The following SLC6A6 variants were observed in gnomAD, a reference collection of about 807,000 sequenced individuals.
SLC6A6 encodes the protein sodium- and chloride-dependent taurine transporter.
In SLC6A6, 16 loss-of-function variants were observed where a neutral mutation model predicts 68.8. The ratio of observed to expected loss-of-function variants is 0.23; its 90% CI spans 0.16 to 0.35. The LOEUF (loss-of-function observed/expected upper bound fraction) is 0.35, where lower values mean the gene tolerates loss of function less well. Among genes scored for constraint, SLC6A6 ranks in the 10% least tolerant of loss-of-function variants. The pLI, the probability that SLC6A6 is intolerant of heterozygous loss-of-function variation, is 1.00. For synonymous variants in SLC6A6, 312 were observed against 315.4 expected (o/e 0.99, Z 0.12); for missense variants, 474 against 802.8 (o/e 0.59, Z 4.95).
chr3:14,469,214 C>T (rs1700697337), intron 9 of SLC6A6, among the ~76,000 whole-genome samples: 1 of 152,064 alleles, frequency 6.6e-6, no homozygotes, highest in Admixed American at 6.6e-5. Flanking sequence ...CATGCTGAGC[C>T]CCCAGCCCCA....
At chr3:14,447,434 A>G in intron 4 of SLC6A6, 148 bp from the exon 5 acceptor site, 1 of 934,740 alleles carries the variant, frequency 1.1e-6, no homozygotes, top group Non-Finnish European at 1.6e-6. Flanking sequence ...CCAGCCATCC[A>G]TTCACCCTAT....
intron 1 of SLC6A6, among the ~76,000 whole-genome samples, chr3:14,403,490 C>G (rs970944414): frequency 4.6e-5 from 7 of 152,086 alleles, no homozygotes; most frequent in Non-Finnish European, 8.8e-5. Context: ...AGAGGGTGTC[C>G]CTGGTGCCTA....
intron 1 of SLC6A6, among the ~76,000 whole-genome samples, chr3:14,413,323 T>G (rs1262623573): frequency 6.6e-6 from 1 of 152,244 alleles, no homozygotes; most frequent in Non-Finnish European, 1.5e-5. Flanking sequence ...TGGGACCTGC[T>G]GCTTCCGTTG....
chr3:14,430,279 G>C (rs1265020539), intron 2 of SLC6A6, among the ~76,000 whole-genome samples: 1 of 152,050 alleles, frequency 6.6e-6, no homozygotes, highest in Non-Finnish European at 1.5e-5. Flanking sequence ...AGGCATTTGG[G>C]GTTTGCTAGA....
At chr3:14,445,687 C>T (rs765938076) in intron 3 of SLC6A6, 30 bp from the exon 4 acceptor site, 5 of 1,613,648 alleles carry the variant, frequency 3.1e-6, no homozygotes, top group African/African-American at 1.3e-5. Flanking sequence ...ATGGCCACAG[C>T]CTCACTTTTG....
intron 9 of SLC6A6, among the ~76,000 whole-genome samples, chr3:14,470,049 TA>T (rs1488521915): frequency 6.6e-6 from 1 of 152,204 alleles, no homozygotes; most frequent in Non-Finnish European, 1.5e-5. Flanking sequence ...ACCTCCTCTG[TA>T]GATGGCTTGC....
chr3:14,435,455 C>G (rs1472631086), intron 2 of SLC6A6, among the ~76,000 whole-genome samples: 1 of 152,308 alleles, frequency 6.6e-6, no homozygotes, highest in East Asian at 1.9e-4. Flanking sequence ...AGATAACAAG[C>G]CCCTGTCCCA....
At chr3:14,418,656 G>T (rs1206233278) in intron 2 of SLC6A6, among the ~76,000 whole-genome samples, 1 of 152,232 alleles carries the variant, frequency 6.6e-6, no homozygotes, top group Non-Finnish European at 1.5e-5. Flanking sequence ...TCAACCCAAA[G>T]AAGTGGGTGT....
chr3:14,408,400 C>A (rs1010197547), intron 1 of SLC6A6, among the ~76,000 whole-genome samples: 2 of 150,016 alleles, frequency 1.3e-5, no homozygotes, highest in Admixed American at 1.3e-4. Flanking sequence ...AGTGGCTTGA[C>A]CTCAGCTCAC....
In SLC6A6 at chr3:14,468,357, A is replaced by G. The variant is rs7642354; in HGVS notation, c.1096+145A>G. On this transcript the variant is annotated intron_variant, in intron 9 of 14. Coordinates refer to ENST00000622186, the MANE Select transcript of SLC6A6 (RefSeq NM_003043.6). The surrounding 1 kb of genome is among the most constrained non-coding windows in gnomAD (Gnocchi z 4.5). ...TGGACCCCCCCCCCGCCACCAAGAT[A>G]TCCCCCAAATTTCAAAGAGTACAAA... The G allele has an allele frequency of 0.23, 161,767 of 699,126 alleles. 23,639 individuals carry two copies. Among genetic ancestry groups the G allele is most frequent in the African/African-American group, 0.56 (29,033 of 51,812 alleles). 43.3% of individuals were successfully genotyped at this position (699,126 alleles called of 1,614,324 possible).
rs993633011 is a variant in SLC6A6, at chr3:14,481,588, G to C, written c.1552-83G>C. ...CCCAAGGAGAGAGACCCTTCCCTCAGGTTGAGGCCAGTCCTAGTCCCAGAA... is the reference window on the plus strand; with the variant it reads ...CCCAAGGAGAGAGACCCTTCCCTCACGTTGAGGCCAGTCCTAGTCCCAGAA... On this transcript the variant is annotated intron_variant, in intron 13 of 14. Transcript: ENST00000622186. The surrounding 1 kb of genome is among the most constrained non-coding windows in gnomAD (Gnocchi z 4.7). 1.1e-6 allele frequency: 1 copy of C among 910,162 alleles called. No homozygotes were observed. The highest frequency in any genetic ancestry group is 2.1e-5 in the Admixed American group (1 of 48,076). 56.4% of individuals were successfully genotyped at this position (910,162 alleles called of 1,614,324 possible).
intron 2 of SLC6A6, 131 bp from the exon 3 acceptor site, chr3:14,443,493 G>T: frequency 1.6e-6 from 1 of 641,518 alleles, no homozygotes; most frequent in Non-Finnish European, 2.8e-6. Context: ...GGACAGACAG[G>T]GATGCCAGGC....
chr3:14,415,724 CAA>C (rs1559285013), intron 1 of SLC6A6, among the ~76,000 whole-genome samples: 2 of 151,834 alleles, frequency 1.3e-5, no homozygotes, highest in South Asian at 4.2e-4. Flanking sequence ...CCCCCCGCTC[CAA>C]AAAAAGTCTT....
chr3:14,434,403 T>C (rs1177453066), intron 2 of SLC6A6, among the ~76,000 whole-genome samples: 1 of 152,232 alleles, frequency 6.6e-6, no homozygotes, highest in Non-Finnish European at 1.5e-5. Flanking sequence ...GGCACTGTCA[T>C]AAATAATTGC....
chr3:14,435,596 G>A (rs1331674801), intron 2 of SLC6A6, among the ~76,000 whole-genome samples: 1 of 152,244 alleles, frequency 6.6e-6, no homozygotes, highest in African/African-American at 2.4e-5. Flanking sequence ...ACCGGGACAA[G>A]CCATCAGGGC....
intron 3 of SLC6A6, 160 bp downstream of exon 3, chr3:14,444,023 C>A: frequency 1.6e-6 from 1 of 609,764 alleles, no homozygotes; most frequent in Non-Finnish European, 3.0e-6. Context: ...CCAACCCCAC[C>A]CTTAGAGACA....
chr3:14,419,826 A>G (rs1047780690), intron 2 of SLC6A6, among the ~76,000 whole-genome samples: 3 of 151,364 alleles, frequency 2.0e-5, no homozygotes, highest in African/African-American at 2.4e-5. Context: ...CCCCTCAGCT[A>G]TGGGGCTGAG....
chr3:14,411,740 G>C (rs1386406816), intron 1 of SLC6A6, among the ~76,000 whole-genome samples: 1 of 152,166 alleles, frequency 6.6e-6, no homozygotes, highest in African/African-American at 2.4e-5. Flanking sequence ...CTCCAGGCTT[G>C]GAAATTATAT....
At chr3:14,453,139 A>G (rs908814083) in intron 5 of SLC6A6, among the ~76,000 whole-genome samples, 2 of 152,214 alleles carry the variant, frequency 1.3e-5, no homozygotes, top group Non-Finnish European at 2.9e-5. Context: ...GGGGAGAGCC[A>G]TGGCCAATAA....
Sources: gnomAD v4.1 joint callset for allele counts (sites outside exome capture counted in the v4.1 genomes callset) on GRCh38, gnomAD v4.1.1 for gene constraint, Gnocchi (gnomAD v3.1) non-coding constraint, MANE v1.5 for transcripts, NCBI Gene and HGNC (gene_info 2026-07-23, HGNC 2026-07-21) for gene names.